The following TBC1D15 variants were observed in gnomAD, a reference collection of about 807,000 sequenced individuals.
TBC1D15 encodes TBC1 domain family member 15, also known as GAP for RAB7.
In TBC1D15, 39 loss-of-function variants were observed where a neutral mutation model predicts 95.4. That is an observed-to-expected ratio of 0.41 (90% CI 0.32 to 0.53). The LOEUF (loss-of-function observed/expected upper bound fraction) is 0.53, where lower values mean the gene tolerates loss of function less well. Ranked by LOEUF, TBC1D15 falls within the 20% of genes least tolerant of loss-of-function variation. The pLI, the probability that TBC1D15 is intolerant of heterozygous loss-of-function variation, is 0.29. For synonymous variants in TBC1D15, 258 were observed against 261.3 expected, an observed-to-expected ratio of 0.99 and a Z score of 0.12; for missense variants, 733 against 794.3, an observed-to-expected ratio of 0.92 and a Z score of 0.93.
At chr12:71,852,596 T>C (rs1202148172) in intron 1 of TBC1D15, among the ~76,000 whole-genome samples, 2 of 152,232 alleles carry the variant, frequency 1.3e-5, no homozygotes, top group African/African-American at 4.8e-5. Flanking sequence ...GCATAGGTTG[T>C]TAGAAACAGC....
At chr12:71,874,828 G>C (rs955763048) in intron 3 of TBC1D15, among the ~76,000 whole-genome samples, 1 of 151,860 alleles carries the variant, frequency 6.6e-6, no homozygotes, top group Admixed American at 6.6e-5. Context: ...TCACCATGTT[G>C]GCCAGGCTAG....
Position 71,873,043 on chromosome 12 carries a change from T to TA in TBC1D15, c.204+46dup, listed in dbSNP as rs1893025607. 2.9e-6 allele frequency: 4 copies of TA among 1,370,702 alleles called. No homozygotes were observed. The South Asian group carries it at 5.0e-5, about 17-fold the overall frequency. The allele number at this position is 1,370,702 out of a possible 1,614,324, so 84.9% of individuals were successfully genotyped here. ...AATGTGTTACTAAGGGAATGCCATT[T>TA]AAAAAATAACAGTATTATCCATATA... On this transcript the variant is annotated intron_variant, in intron 3 of 16. Transcript: ENST00000485960.
At chr12:71,911,196 A>G (rs1045191436) in intron 11 of TBC1D15, among the ~76,000 whole-genome samples, 5 of 152,160 alleles carry the variant, frequency 3.3e-5, no homozygotes, top group African/African-American at 1.2e-4. Context: ...TAGTTCAACC[A>G]TTGTGGAAGT....
chr12:71,901,965 A>G (rs997434834), intron 10 of TBC1D15, among the ~76,000 whole-genome samples: 4 of 152,216 alleles, frequency 2.6e-5, no homozygotes, highest in African/African-American at 7.2e-5. Context: ...CCGAGAGCCA[A>G]ATGAAGGATG....
intron 5 of TBC1D15, among the ~76,000 whole-genome samples, chr12:71,887,971 A>T (rs1490011754): frequency 6.6e-6 from 1 of 152,228 alleles, no homozygotes; most frequent in Non-Finnish European, 1.5e-5. Flanking sequence ...AACAGATTGG[A>T]GATTTGCTTT....
intron 3 of TBC1D15, 77 bp downstream of exon 3, chr12:71,873,080 C>T: frequency 1.0e-6 from 1 of 964,094 alleles, no homozygotes; most frequent in South Asian, 1.5e-5. Flanking sequence ...AATTCACATA[C>T]CATAAAATGC....
At chr12:71,877,266 A>C (rs1354160294) in intron 3 of TBC1D15, among the ~76,000 whole-genome samples, 1 of 119,384 alleles carries the variant, frequency 8.4e-6, no homozygotes, top group Non-Finnish European at 1.8e-5. Flanking sequence ...TTTTGTTTCT[A>C]GTTTTATGTT....
intron 2 of TBC1D15, among the ~76,000 whole-genome samples, chr12:71,872,700 T>C (rs1444535698): frequency 1.3e-5 from 2 of 152,174 alleles, no homozygotes; most frequent in African/African-American, 2.4e-5. Context: ...TAAAATGACA[T>C]GGAATATTCT....
chr12:71,920,234 G>T (rs1459141280), intron 14 of TBC1D15, among the ~76,000 whole-genome samples: 1 of 152,144 alleles, frequency 6.6e-6, no homozygotes, highest in African/African-American at 2.4e-5. Context: ...CACAATCAGG[G>T]ATAAAATGTG....
At chr12:71,908,239 G>T (rs996851309) in intron 11 of TBC1D15, among the ~76,000 whole-genome samples, 1 of 152,104 alleles carries the variant, frequency 6.6e-6, no homozygotes, top group Non-Finnish European at 1.5e-5. Flanking sequence ...ACGCTAAGGG[G>T]TAGAAAACTT....
chr12:71,923,435 C>A lies in TBC1D15; in HGVS notation c.*231C>A. The A allele has an allele frequency of 2.4e-6, 1 of 420,530 alleles. No homozygotes were observed. 26.0% of individuals were successfully genotyped at this position (420,530 alleles called of 1,614,324 possible). On this transcript the variant is annotated 3_prime_UTR_variant, in exon 17 of 17. Coordinates refer to ENST00000485960, the MANE Select transcript of TBC1D15 (RefSeq NM_001146213.3). Reference sequence around the variant, plus strand: ...TAACATTCCTCAGTATTTTTATAGCCAAGTACATTTTATTTTCTTGCTGAT... The same window carrying A: ...TAACATTCCTCAGTATTTTTATAGCAAAGTACATTTTATTTTCTTGCTGAT...
intron 16 of TBC1D15, 47 bp downstream of exon 16, chr12:71,921,501 G>T (rs1476752624): frequency 8.4e-7 from 1 of 1,192,064 alleles, no homozygotes; most frequent in South Asian, 2.1e-5. Flanking sequence ...TTTTTGGTGG[G>T]TTGAGATCAA....
chr12:71,879,973 T>G (rs1053614847), intron 3 of TBC1D15, among the ~76,000 whole-genome samples: 1 of 152,230 alleles, frequency 6.6e-6, no homozygotes, highest in African/African-American at 2.4e-5. Context: ...TGGAAAATTC[T>G]ATAGAACTAT....
rs979784537 is a variant in TBC1D15, at chr12:71,896,192, T to A, written c.984+117T>A. On this transcript the variant is annotated intron_variant, in intron 8 of 16. Coordinates refer to ENST00000485960, the MANE Select transcript of TBC1D15 (RefSeq NM_001146213.3). ...TGTTGTTGGTTTTTTTTTTTTTTGG[T>A]GGGGGAAGTAGGGAGGAATGAACTC... 6 of 859,526 alleles carry A rather than the reference T, an allele frequency of 7.0e-6. No homozygotes were observed. In the East Asian group the frequency reaches 1.6e-4, roughly 23 times the overall value. 53.2% of individuals were successfully genotyped at this position (859,526 alleles called of 1,614,324 possible).
chr12:71,841,176 C>A (rs1275943773), intron 1 of TBC1D15: 1 of 152,080 alleles, frequency 6.6e-6, no homozygotes, highest in East Asian at 1.9e-4. Context: ...TAAACTGATC[C>A]AGGCTGGGAC....
chr12:71,919,316 A>G (rs1416911173), intron 14 of TBC1D15, among the ~76,000 whole-genome samples: 1 of 151,784 alleles, frequency 6.6e-6, no homozygotes, highest in Non-Finnish European at 1.5e-5. Flanking sequence ...CTGGGACTAC[A>G]GGTCTACAGG....
intron 4 of TBC1D15, among the ~76,000 whole-genome samples, chr12:71,881,121 T>TC (rs1895042288): frequency 1.3e-5 from 2 of 152,160 alleles, no homozygotes; most frequent in African/African-American, 4.8e-5. Context: ...ATGTCAGTGG[T>TC]CCCATAAGCC....
intron 1 of TBC1D15, among the ~76,000 whole-genome samples, chr12:71,844,156 A>G (rs1397062136): frequency 6.6e-6 from 1 of 152,172 alleles, no homozygotes; most frequent in African/African-American, 2.4e-5. Context: ...CCATTGCCTT[A>G]GTTCAAGCAA....
At chr12:71,855,147 G>A (rs1394187022) in intron 1 of TBC1D15, among the ~76,000 whole-genome samples, 1 of 152,000 alleles carries the variant, frequency 6.6e-6, no homozygotes, top group Non-Finnish European at 1.5e-5. Context: ...AGTGCTCAGG[G>A]GAAACTGCCA....
Sources: allele counts gnomAD v4.1 joint callset (sites outside exome capture counted in the v4.1 genomes callset), GRCh38; gene constraint gnomAD v4.1.1; transcripts MANE v1.5; gene names NCBI Gene and HGNC (gene_info 2026-07-23, HGNC 2026-07-21).